Variants in ADCY10 observed in about 807,000 individuals in gnomAD.
ADCY10 encodes adenylate cyclase type 10.
In ADCY10, 156 loss-of-function variants were observed where a neutral mutation model predicts 183.3. That is an observed-to-expected ratio of 0.85 (90% CI 0.75 to 0.97). The LOEUF (loss-of-function observed/expected upper bound fraction) is 0.97, where lower values mean the gene tolerates loss of function less well. ADCY10 is among the 50% of genes least tolerant of loss of function. ADCY10 has a pLI of 0.00. For missense variants in ADCY10, 1,745 were observed against 1,934.3 expected (o/e 0.90, Z 1.84); for synonymous variants, 645 against 670.0 (o/e 0.96, Z 0.58).
At chr1:167,903,267 T>A (rs974827162) in intron 3 of ADCY10, among the ~76,000 whole-genome samples, 106 of 108,296 alleles carry the variant, frequency 9.8e-4, no homozygotes, top group Middle Eastern at 8.3e-3. Context: ...AAAAAAAAAA[T>A]TAATAAATAA....
chr1:167,819,864 A>G (rs1662776655), intron 30 of ADCY10: 4 of 787,298 alleles, frequency 5.1e-6, no homozygotes, highest in Non-Finnish European at 8.9e-6. Context: ...CGCGCCCGGC[A>G]TGATTTTCTA....
At chr1:167,889,040 T>G (rs1460891919) in intron 8 of ADCY10, among the ~76,000 whole-genome samples, 1 of 152,208 alleles carries the variant, frequency 6.6e-6, no homozygotes, top group Admixed American at 6.5e-5. Flanking sequence ...AAGGATAATT[T>G]GACTTCTTCC....
chr1:167,878,524 T>G lies in ADCY10; in HGVS notation c.1328A>C (p.Lys443Thr), dbSNP rs1400692653. The G allele has an allele frequency of 9.3e-6, 15 of 1,614,178 alleles. No homozygotes were observed. The highest frequency in any genetic ancestry group is 1.3e-5 in the Non-Finnish European group (15 of 1,180,040). The change falls in exon 12 of 33, where the codon AAA becomes ACA. Residue 443 changes from lysine (K) to threonine (T), a missense_variant. By Grantham distance (78) the Lys-to-Thr change is moderately conservative (BLOSUM62 -1). Coordinates refer to ENST00000367851, the MANE Select transcript of ADCY10 (RefSeq NM_018417.6). Reference protein sequence around the residue: ...NGSNLPAYFFKELPKKVMKGV... With the variant: ...NGSNLPAYFFTELPKKVMKGV... Reference sequence around the variant, plus strand: ...TTTCATAACTTTCTTTGGAAGCTCTTTAAAAAAGTACGCTGGTAGGTTGCT... The same window carrying G: ...TTTCATAACTTTCTTTGGAAGCTCTGTAAAAAAGTACGCTGGTAGGTTGCT...
At chr1:167,839,999 C>T (rs899505761) in intron 21 of ADCY10, among the ~76,000 whole-genome samples, 3 of 148,730 alleles carry the variant, frequency 2.0e-5, no homozygotes, top group Non-Finnish European at 3.0e-5. Context: ...GTGGGAGGAT[C>T]GTTTGAGTCC....
chr1:167,822,870 G>A, intron 29 of ADCY10, 138 bp downstream of exon 29: 3 of 761,054 alleles, frequency 3.9e-6, no homozygotes, highest in Non-Finnish European at 7.0e-6. Flanking sequence ...CACACAACCA[G>A]CCTCTCTCCA....
chr1:167,872,269 C>T (rs112589973), intron 13 of ADCY10, among the ~76,000 whole-genome samples: 2 of 151,580 alleles, frequency 1.3e-5, no homozygotes, highest in African/African-American at 2.4e-5. Context: ...ACCTGGGAGG[C>T]GGAGGTTACA....
chr1:167,879,966 G>A (rs917184356), intron 11 of ADCY10, 149 bp downstream of exon 11: 3 of 717,154 alleles, frequency 4.2e-6, no homozygotes, highest in East Asian at 2.7e-5. Context: ...AGCATTGAGG[G>A]CTCCATGGCT....
chr1:167,871,308 T>G (rs1057283725), intron 13 of ADCY10, among the ~76,000 whole-genome samples: 1 of 152,216 alleles, frequency 6.6e-6, no homozygotes, highest in Non-Finnish European at 1.5e-5. Context: ...TCAGAAATCA[T>G]GTACAGATTA....
At chr1:167,837,074 A>G (rs1432229361) in intron 22 of ADCY10, 175 bp downstream of exon 22, 2 of 680,646 alleles carry the variant, frequency 2.9e-6, no homozygotes, top group East Asian at 2.7e-5. Flanking sequence ...AAAGAGCAGG[A>G]TAATAAAACC....
At chr1:167,849,423 G>A (rs1410736558) in intron 18 of ADCY10, among the ~76,000 whole-genome samples, 1 of 152,170 alleles carries the variant, frequency 6.6e-6, no homozygotes, top group African/African-American at 2.4e-5. Context: ...ATAGGAAGGT[G>A]AATAAAACCA....
chr1:167,842,588 C>T (rs530325584), intron 21 of ADCY10, among the ~76,000 whole-genome samples: 16 of 77,660 alleles, frequency 2.1e-4, no homozygotes, highest in Admixed American at 1.9e-3. Flanking sequence ...AAGGAAGACA[C>T]TGCAAAAAAA....
In ADCY10 at chr1:167,856,113, C is replaced by T. The variant is rs532641650; in HGVS notation, c.2171+52G>A. The T allele has an allele frequency of 5.4e-5, 86 of 1,593,708 alleles. No homozygotes were observed. In the South Asian group the frequency reaches 6.7e-4, roughly 13 times the overall value. ...CTAAGAAATCTGATGAAGTCTAGAC[C>T]GAGGGAATGTATGCAGATGTCGAGA... On this transcript the variant is annotated intron_variant, in intron 17 of 32. Transcript: ENST00000367851.
intron 25 of ADCY10, among the ~76,000 whole-genome samples, chr1:167,829,696 T>G (rs1424462820): frequency 6.6e-6 from 1 of 152,272 alleles, no homozygotes; most frequent in Non-Finnish European, 1.5e-5. Flanking sequence ...TAAATGAAGC[T>G]ATTTAAAAAG....
chr1:167,899,611 T>C lies in ADCY10; in HGVS notation c.454A>G (p.Ile152Val). ...RVKIGLAAGH[I>V]SMLVFGDETH... Reference sequence around the variant, plus strand: ...TCATCTCCAAAGACCAACATGCTGATGTGGCCAGCAGCCAGTCCTGGCAAG... The same window carrying C: ...TCATCTCCAAAGACCAACATGCTGACGTGGCCAGCAGCCAGTCCTGGCAAG... Residue 152 changes from isoleucine (I) to valine (V), a missense_variant, in exon 6 of 33, where the codon ATC becomes GTC. Physicochemically the swap from Ile to Val is conservative, Grantham distance 29 (BLOSUM62 3). Transcript: ENST00000367851. 1.9e-6 allele frequency: 3 copies of C among 1,613,998 alleles called. No individual in the cohort carries two copies. The highest frequency in any genetic ancestry group is 2.5e-6 in the Non-Finnish European group (3 of 1,180,042).
chr1:167,864,895 G>GAAAAAAAAAAAA (rs59361245), intron 14 of ADCY10, among the ~76,000 whole-genome samples: 1 of 129,276 alleles, frequency 7.7e-6, no homozygotes. Context: ...TTGCTAACAG[G>GAAAAAAAAAAAA]AAAAAAAAAA....
At chr1:167,838,557 G>A (rs546529070) in intron 21 of ADCY10, among the ~76,000 whole-genome samples, 5 of 152,284 alleles carry the variant, frequency 3.3e-5, no homozygotes, top group Admixed American at 2.6e-4. Context: ...GCTACTATTC[G>A]TCTACCAACA....
chr1:167,843,209 G>C (rs2101954191), intron 21 of ADCY10, among the ~76,000 whole-genome samples: 1 of 152,304 alleles, frequency 6.6e-6, no homozygotes, highest in African/African-American at 2.4e-5. Flanking sequence ...TGTTTGCTTT[G>C]ATGACACTAG....
At chr1:167,860,208 C>A (rs1666194020) in intron 15 of ADCY10, among the ~76,000 whole-genome samples, 1 of 151,880 alleles carries the variant, frequency 6.6e-6, no homozygotes, top group African/African-American at 2.4e-5. Flanking sequence ...CAGTGGGAGC[C>A]CTGAGCTTGT....
At position 167,809,754 on chromosome 1, in the gene ADCY10, G is replaced by A. The variant is rs761840989; in HGVS notation, c.4757C>T (p.Ala1586Val). Residue 1586 changes from alanine (A) to valine (V), a missense_variant, in exon 33 of 33, where the codon GCA (alanine) becomes GTA (valine). Physicochemically the swap from Ala to Val is moderately conservative, Grantham distance 64. Transcript: ENST00000367851. ...LSLPSWEKIV[A>V]GRVNIQDLQK... Reference sequence around the variant, plus strand: ...AAGATCCTGAATGTTTACCCTGCCTGCTACAATTTTTTCCCATGATGGGAG... The same window carrying A: ...AAGATCCTGAATGTTTACCCTGCCTACTACAATTTTTTCCCATGATGGGAG... 72 of 1,614,112 alleles carry A rather than the reference G, an allele frequency of 4.5e-5. No homozygotes were observed. Among genetic ancestry groups the A allele is most frequent in the Non-Finnish European group, 6.0e-5 (71 of 1,179,980 alleles).
Sources: gnomAD v4.1 joint callset for allele counts (sites outside exome capture counted in the v4.1 genomes callset) on GRCh38, gnomAD v4.1.1 for gene constraint, MANE v1.5 for transcripts, NCBI Gene and HGNC (gene_info 2026-07-23, HGNC 2026-07-21) for gene names.